Variants in NBEA observed in about 807,000 individuals in gnomAD.
NBEA encodes the protein neurobeachin, also known as lysosomal-trafficking regulator 2.
Under a neutral mutation model 343.4 loss-of-function variants are expected in NBEA, and 44 were observed. The observed-to-expected ratio is 0.13, with a 90% CI of 0.10 to 0.16. The LOEUF (loss-of-function observed/expected upper bound fraction) is 0.16, where lower values mean the gene tolerates loss of function less well. NBEA is among the 10% of genes least tolerant of loss of function. The pLI is 1.00. For missense variants in NBEA, 2,555 were observed against 3,631.3 expected (o/e 0.70, Z 7.62); for synonymous variants, 1,175 against 1,238.7 (o/e 0.95, Z 1.08).
chr13:35,085,527 TCAA>T (rs1184992171), intron 10 of NBEA, among the ~76,000 whole-genome samples: 3 of 152,080 alleles, frequency 2.0e-5, no homozygotes, highest in Non-Finnish European at 4.4e-5. Context: ...TTGACAAAAT[TCAA>T]CAACCTTCAT....
intron 16 of NBEA, among the ~76,000 whole-genome samples, chr13:35,121,125 T>G (rs1454849064): frequency 6.6e-6 from 1 of 152,046 alleles, no homozygotes; most frequent in Non-Finnish European, 1.5e-5. Flanking sequence ...TTAATTTTTT[T>G]TTAGAGTCTC....
chr13:35,243,178 C>T (rs193113158), intron 34 of NBEA, among the ~76,000 whole-genome samples: 10 of 151,694 alleles, frequency 6.6e-5, no homozygotes, highest in Admixed American at 2.0e-4. Flanking sequence ...TTTTTATATG[C>T]GATTGAAGTT....
chr13:35,475,383 G>A (rs2075818072), intron 41 of NBEA: 3 of 1,613,736 alleles, frequency 1.9e-6, no homozygotes, highest in Non-Finnish European at 1.7e-6. Flanking sequence ...TTTTGAGGAT[G>A]GAGAGGCACT....
intron 10 of NBEA, among the ~76,000 whole-genome samples, chr13:35,087,239 A>C (rs773398276): frequency 6.6e-6 from 1 of 151,860 alleles, no homozygotes; most frequent in African/African-American, 2.4e-5. Context: ...ACAATAAAAC[A>C]ACTAGAAAAA....
At chr13:35,468,099 A>AAGAT (rs953376287) in intron 40 of NBEA, among the ~76,000 whole-genome samples, 1 of 12,086 alleles carries the variant, frequency 8.3e-5, no homozygotes. Flanking sequence ...CCTCCTGAAA[A>AAGAT]TGATTTACAC....
chr13:35,637,828 GAAA>G (rs200193393), intron 49 of NBEA, among the ~76,000 whole-genome samples: 21 of 137,750 alleles, frequency 1.5e-4, no homozygotes, highest in African/African-American at 5.5e-4. Flanking sequence ...TCTCAAAAAA[GAAA>G]AAAAAAAAAA....
chr13:35,665,051 T>A (rs572150539), intron 55 of NBEA, 34 bp from the exon 56 acceptor site: 1 of 1,430,576 alleles, frequency 7.0e-7, no homozygotes, highest in South Asian at 1.2e-5. Flanking sequence ...CTGCTATTGG[T>A]CTGTAGTGCC....
At chr13:34,975,682 T>C (rs1243656333) in intron 1 of NBEA, among the ~76,000 whole-genome samples, 2 of 151,382 alleles carry the variant, frequency 1.3e-5, no homozygotes, top group African/African-American at 4.9e-5. Context: ...AATCTATACA[T>C]CCAACAAAGG....
rs2085647357 is a variant in NBEA, at chr13:35,672,358, C to G, written c.*1367C>G. On this transcript the variant is annotated 3_prime_UTR_variant, in exon 59 of 59. Coordinates refer to ENST00000379939, the MANE Select transcript of NBEA (RefSeq NM_001385012.1). ...AGATAATGGGTTCTTTGTATTGGCA[C>G]TTTGCACCAGAAACATATCATTATT... 1 of 152,628 alleles carries G rather than the reference C, an allele frequency of 6.6e-6. No homozygotes were observed. The highest frequency in any genetic ancestry group is 1.5e-5 in the Non-Finnish European group (1 of 68,032). The allele number at this position is 152,628 out of a possible 1,614,324, so 9.5% of individuals were successfully genotyped here. A position where few individuals can be genotyped will look rare whatever the true frequency, so the allele number is the denominator to read the frequency against.
chr13:34,983,861 A>C (rs972431830), intron 1 of NBEA, among the ~76,000 whole-genome samples: 1 of 151,834 alleles, frequency 6.6e-6, no homozygotes, highest in Non-Finnish European at 1.5e-5. Flanking sequence ...CCACTTTTTG[A>C]TGGGGTTGTT....
At chr13:35,601,399 G>A (rs947433068) in intron 47 of NBEA, among the ~76,000 whole-genome samples, 11 of 152,122 alleles carry the variant, frequency 7.2e-5, no homozygotes, top group Admixed American at 6.6e-5. Context: ...GGACATGCAA[G>A]CATACAACAA....
intron 10 of NBEA, among the ~76,000 whole-genome samples, chr13:35,093,379 G>T (rs1390208395): frequency 6.6e-6 from 1 of 150,734 alleles, no homozygotes; most frequent in African/African-American, 2.4e-5. Context: ...ACTATTAAAA[G>T]AATAGAAAAT....
chr13:35,409,423 C>G (rs1296379035), intron 38 of NBEA, among the ~76,000 whole-genome samples: 1 of 151,950 alleles, frequency 6.6e-6, no homozygotes, highest in Non-Finnish European at 1.5e-5. Flanking sequence ...ATGAAATAAT[C>G]TGTACAACAA....
intron 25 of NBEA, among the ~76,000 whole-genome samples, chr13:35,169,268 C>T (rs868340413): frequency 7.9e-5 from 12 of 151,360 alleles, no homozygotes; most frequent in Admixed American, 2.0e-4. Flanking sequence ...TTAATTGGTT[C>T]TAAGGAAAGT....
chr13:35,259,601 T>G (rs2033022836), intron 34 of NBEA, among the ~76,000 whole-genome samples: 1 of 149,144 alleles, frequency 6.7e-6, no homozygotes, highest in African/African-American at 2.6e-5. Context: ...TCACAAAAAC[T>G]TATCAATCTA....
At chr13:34,996,375 C>T (rs964078398) in intron 1 of NBEA, among the ~76,000 whole-genome samples, 2 of 151,964 alleles carry the variant, frequency 1.3e-5, no homozygotes, top group Non-Finnish European at 2.9e-5. Flanking sequence ...TTATATAGAA[C>T]TTTTGCCAAT....
At chr13:35,307,574 A>C (rs1026185224) in intron 35 of NBEA, among the ~76,000 whole-genome samples, 2 of 152,072 alleles carry the variant, frequency 1.3e-5, no homozygotes, top group Admixed American at 6.6e-5. Flanking sequence ...ACTCTGTGAA[A>C]TATCTTACCG....
chr13:35,441,987 C>T (rs1376081312), intron 39 of NBEA, among the ~76,000 whole-genome samples: 1 of 152,042 alleles, frequency 6.6e-6, no homozygotes, highest in Non-Finnish European at 1.5e-5. Context: ...GCTCACTAGC[C>T]ATCTACCCGT....
In NBEA at chr13:35,322,212, C is replaced by G. The variant is rs1464427800; in HGVS notation, c.5903+12620C>G. Among the ~76,000 whole-genome samples, 3 of 152,320 alleles carry G rather than the reference C, an allele frequency of 2.0e-5. No individual in the cohort carries two copies. The East Asian group carries it at 5.8e-4, about 29-fold the overall frequency. The stretch of plus-strand genomic sequence containing the variant: ...GCTGTCCAGTTTTGTGCTTGAAACC[C>G]AGGGCCCTGGTGATGTAGGCACCCA... On this transcript the variant is annotated intron_variant, in intron 36 of 58. Transcript: ENST00000379939.
Sources: allele counts gnomAD v4.1 joint callset (sites outside exome capture counted in the v4.1 genomes callset), GRCh38; gene constraint gnomAD v4.1.1; transcripts MANE v1.5; gene names NCBI Gene and HGNC (gene_info 2026-07-23, HGNC 2026-07-21).